The following VCL variants were observed in gnomAD, a reference collection of about 807,000 sequenced individuals.
The protein encoded by VCL is vinculin, also known as epididymis luminal protein 114.
Under a neutral mutation model 125.7 loss-of-function variants are expected in VCL, and 47 were observed. The ratio of observed to expected loss-of-function variants is 0.37; its 90% CI spans 0.30 to 0.48. The LOEUF is 0.48. Among genes scored for constraint, VCL ranks in the 20% least tolerant of loss-of-function variants. VCL has a pLI of 0.99. For synonymous variants in VCL, 458 were observed against 514.6 expected (o/e 0.89, Z 1.49); for missense variants, 1,069 against 1,455.5 (o/e 0.73, Z 4.32).
chr10:74,093,358 T>A (rs1388050154), intron 10 of VCL, among the ~76,000 whole-genome samples: 1 of 152,208 alleles, frequency 6.6e-6, no homozygotes, highest in East Asian at 1.9e-4. Flanking sequence ...GTTTGAATCC[T>A]GACTCTATCA....
intron 21 of VCL, 138 bp downstream of exon 21, chr10:74,115,037 G>A: frequency 2.2e-6 from 2 of 890,358 alleles, no homozygotes; most frequent in Middle Eastern, 2.2e-4. Flanking sequence ...GACTGTCTCA[G>A]GAGGGGAAAG....
chr10:74,054,515 C>T (rs1841361194), intron 2 of VCL, among the ~76,000 whole-genome samples: 1 of 152,158 alleles, frequency 6.6e-6, no homozygotes, highest in Non-Finnish European at 1.5e-5. Context: ...CTTATTGTAT[C>T]TATCACTTCA....
At chr10:74,084,964 C>T (rs1839745548) in intron 8 of VCL, among the ~76,000 whole-genome samples, 1 of 152,154 alleles carries the variant, frequency 6.6e-6, no homozygotes, top group Non-Finnish European at 1.5e-5. Context: ...GGCTCAAGTG[C>T]AGTGGTATGA....
intron 1 of VCL, among the ~76,000 whole-genome samples, chr10:74,015,809 C>T (rs1840527271): frequency 6.6e-6 from 1 of 151,800 alleles, no homozygotes; most frequent in African/African-American, 2.4e-5. Context: ...CTCAGCCTCC[C>T]AAGTATCTGG....
chr10:74,111,610 A>T (rs184244412), intron 18 of VCL, among the ~76,000 whole-genome samples: 66 of 152,280 alleles, frequency 4.3e-4, no homozygotes, highest in African/African-American at 1.4e-3. Context: ...CTTTAGTATC[A>T]AGTATATTAA....
At position 74,114,207 on chromosome 10, in the gene VCL, C is replaced by A; in HGVS notation, c.2973C>A (p.Ala991=). 1.2e-6 allele frequency: 2 copies of A among 1,613,734 alleles called. No homozygotes were observed. Among genetic ancestry groups the A allele is most frequent in the Non-Finnish European group, 1.7e-6 (2 of 1,180,026 alleles). ...SSKGNDIIAA[A]KRMALLMAEM... is the part of the protein sequence containing the mutation. ...AGGGCAATGACATCATTGCAGCAGCCAAGCGCATGGCTCTGCTGATGGCTG... is the reference window on the plus strand; with the variant it reads ...AGGGCAATGACATCATTGCAGCAGCAAAGCGCATGGCTCTGCTGATGGCTG... Residue 991 remains alanine, a synonymous_variant, in exon 20 of 22, where the codon GCC becomes GCA. Coordinates refer to ENST00000211998, the MANE Select transcript of VCL (RefSeq NM_014000.3).
chr10:74,011,404 C>T (rs759072055), intron 1 of VCL, among the ~76,000 whole-genome samples: 2 of 152,058 alleles, frequency 1.3e-5, no homozygotes, highest in Non-Finnish European at 2.9e-5. Context: ...GATTTCATAT[C>T]GAATTTTCTT....
intron 1 of VCL, among the ~76,000 whole-genome samples, chr10:74,005,502 C>T (rs1001184001): frequency 2.6e-5 from 4 of 152,126 alleles, no homozygotes; most frequent in East Asian, 1.9e-4. Flanking sequence ...GTGATCCACC[C>T]GCCTTGGCCT....
intron 1 of VCL, among the ~76,000 whole-genome samples, chr10:74,006,129 G>A (rs112560996): frequency 1.2e-4 from 18 of 151,992 alleles, no homozygotes; most frequent in African/African-American, 3.4e-4. Context: ...CAGGTGATCC[G>A]CTCGCCTCGG....
intron 8 of VCL, among the ~76,000 whole-genome samples, chr10:74,084,783 T>G (rs1839741399): frequency 6.6e-6 from 1 of 151,684 alleles, no homozygotes; most frequent in South Asian, 2.1e-4. Context: ...CGGCTAAGTT[T>G]GTATTTTTAG....
At chr10:74,116,804 C>T (rs944974134) in intron 21 of VCL, among the ~76,000 whole-genome samples, 1 of 152,132 alleles carries the variant, frequency 6.6e-6, no homozygotes, top group African/African-American at 2.4e-5. Context: ...GTCTCTGGGC[C>T]TGAGTCCCTT....
In VCL at chr10:74,118,730, C is replaced by A; in HGVS notation, c.*561C>A. 5.8e-6 allele frequency: 1 copy of A among 172,584 alleles called. No homozygotes were observed. Among genetic ancestry groups the A allele is most frequent in the Non-Finnish European group, 1.3e-5 (1 of 78,652 alleles). The allele number at this position is 172,584 out of a possible 1,614,324, so 10.7% of individuals were successfully genotyped here. On this transcript the variant is annotated 3_prime_UTR_variant, in exon 22 of 22. Coordinates refer to ENST00000211998, the MANE Select transcript of VCL (RefSeq NM_014000.3). ...CTTTGCTGCTACAGGGGAAGGTGGC[C>A]TCTGTGGAGCCCCAGCATATGGGGG...
intron 6 of VCL, among the ~76,000 whole-genome samples, chr10:74,080,341 A>G (rs1294078510): frequency 6.6e-6 from 1 of 152,142 alleles, no homozygotes; most frequent in Non-Finnish European, 1.5e-5. Flanking sequence ...TTTGATAAGC[A>G]ATGAGGTTTG....
chr10:74,120,911 G>C (rs1335050478), downstream of VCL: 1 of 152,128 alleles, frequency 6.6e-6, no homozygotes, highest in Non-Finnish European at 1.5e-5. Context: ...TAGCTTTTGG[G>C]GACATAGTCC....
intron 8 of VCL, 105 bp downstream of exon 8, chr10:74,083,618 T>C: frequency 1.5e-6 from 2 of 1,366,978 alleles, no homozygotes; most frequent in Non-Finnish European, 2.0e-6. Context: ...CTTTGGCTAG[T>C]AGATAACAGA....
At chr10:74,064,368 G>A (rs1229214052) in intron 2 of VCL, among the ~76,000 whole-genome samples, 1 of 151,962 alleles carries the variant, frequency 6.6e-6, no homozygotes, top group Non-Finnish European at 1.5e-5. Flanking sequence ...AAGCTATCTA[G>A]GGTCCCCCAG....
chr10:74,100,963 G>A lies in VCL; in HGVS notation c.1888G>A (p.Ala630Thr), dbSNP rs727503739. The change falls in exon 14 of 22, where the codon GCA becomes ACA. Residue 630 changes from alanine (A) to threonine (T), a missense_variant. Physicochemically the swap from Ala to Thr is moderately conservative, Grantham distance 58 (BLOSUM62 0). Transcript: ENST00000211998. ...TTTCCTCAAGGTATTTGATGAGAGG[G>A]CAGCTAACTTTGAAAACCATTCAGG... The part of the protein sequence containing the change: ...PNREEVFDER[A>T]ANFENHSGKL... 1 of 1,613,988 alleles carries A rather than the reference G, an allele frequency of 6.2e-7. No homozygotes were observed. The highest frequency in any genetic ancestry group is 8.5e-7 in the Non-Finnish European group (1 of 1,179,972).
intron 1 of VCL, among the ~76,000 whole-genome samples, chr10:74,030,285 C>A (rs1840850746): frequency 6.6e-6 from 1 of 152,190 alleles, no homozygotes; most frequent in Non-Finnish European, 1.5e-5. Flanking sequence ...CCAAATCTTC[C>A]TAATTGTCAA....
Position 74,071,183 on chromosome 10 carries a change from AG to A in VCL, c.499+101del. 1 of 1,091,044 alleles carries A rather than the reference AG, an allele frequency of 9.2e-7. No homozygotes were observed. Among genetic ancestry groups the A allele is most frequent in the Non-Finnish European group, 1.4e-6 (1 of 718,300 alleles). The allele number at this position is 1,091,044 out of a possible 1,614,324, so 67.6% of individuals were successfully genotyped here. A position where few individuals can be genotyped will look rare whatever the true frequency, so the allele number is the denominator to read the frequency against. ...CCTACTTTTTGCAGAAGATAGGTGA[AG>A]ATGCATTGGGCTTTCAGGTGTCTGC... On this transcript the variant is annotated intron_variant, in intron 4 of 21. Coordinates refer to ENST00000211998, the MANE Select transcript of VCL (RefSeq NM_014000.3). This position sits in a 1 kb window ranked among gnomAD's most constrained non-coding sequence, Gnocchi z 4.1.
Sources: gnomAD v4.1 joint callset for allele counts (sites outside exome capture counted in the v4.1 genomes callset) on GRCh38, gnomAD v4.1.1 for gene constraint, Gnocchi (gnomAD v3.1) non-coding constraint, MANE v1.5 for transcripts, NCBI Gene and HGNC (gene_info 2026-07-23, HGNC 2026-07-21) for gene names.